ARHGAP26: variants seen among roughly 807,000 people sequenced by gnomAD.
The protein encoded by ARHGAP26 is Rho GTPase activating protein 26, also known as rho GTPase-activating protein 26.
Under a neutral mutation model 104.8 loss-of-function variants are expected in ARHGAP26, and 38 were observed. The observed-to-expected ratio is 0.36, with a 90% CI of 0.28 to 0.48. ARHGAP26 has a LOEUF of 0.48. ARHGAP26 is among the 20% of genes least tolerant of loss of function. The pLI is 0.99. For missense variants in ARHGAP26, 704 were observed against 947.9 expected (o/e 0.74, Z 3.38); for synonymous variants, 341 against 340.0 (o/e 1.00, Z -0.03).
intron 20 of ARHGAP26, among the ~76,000 whole-genome samples, chr5:143,167,482 CAAAAAAAAAAAAAAAAAAAAAAAA>C (rs6149274): frequency 3.5e-4 from 21 of 60,094 alleles, no homozygotes; most frequent in South Asian, 7.9e-4. Context: ...GACTCCATCT[CAAAAAAAAAAAAAAAAAAAAAAAA>C]AAAAAAAAAA....
intron 2 of ARHGAP26, among the ~76,000 whole-genome samples, chr5:142,873,920 T>A (rs1755700373): frequency 6.6e-6 from 1 of 152,246 alleles, no homozygotes; most frequent in Admixed American, 6.5e-5. Flanking sequence ...TCTCATTTTT[T>A]AAAATTGAAT....
chr5:143,224,981 T>A lies in ARHGAP26; in HGVS notation c.*2535T>A, dbSNP rs1811541858. 1 of 222,754 alleles carries A rather than the reference T, an allele frequency of 4.5e-6. No individual in the cohort carries two copies. The highest frequency in any genetic ancestry group is 2.2e-5 in the African/African-American group (1 of 44,736). The allele number at this position is 222,754 out of a possible 1,614,324, so 13.8% of individuals were successfully genotyped here. The stretch of plus-strand genomic sequence containing the variant: ...TGAATCAGGGAATGAGAATTAAGAA[T>A]GGACAGGACCAAGACAGAACTCAAG... On this transcript the variant is annotated 3_prime_UTR_variant, in exon 23 of 23. Coordinates refer to ENST00000645722, the MANE Select transcript of ARHGAP26 (RefSeq NM_001135608.3).
intron 12 of ARHGAP26, among the ~76,000 whole-genome samples, chr5:143,016,702 C>CAAAAAAA (rs5871833): frequency 7.9e-6 from 1 of 126,380 alleles, no homozygotes. Flanking sequence ...GACTCTGTCT[C>CAAAAAAA]AAAAAAAAAA....
intron 1 of ARHGAP26, among the ~76,000 whole-genome samples, chr5:142,872,187 C>T (rs540962678): frequency 1.3e-5 from 2 of 151,886 alleles, no homozygotes; most frequent in African/African-American, 4.8e-5. Context: ...GCCAGGTACA[C>T]AGAGGAAACA....
At chr5:143,121,473 A>G (rs942920656) in intron 18 of ARHGAP26, among the ~76,000 whole-genome samples, 6 of 152,204 alleles carry the variant, frequency 3.9e-5, no homozygotes, top group African/African-American at 1.4e-4. Flanking sequence ...CAATGAAGGA[A>G]GTACTCTTAT....
intron 1 of ARHGAP26, among the ~76,000 whole-genome samples, chr5:142,861,360 TTTC>T (rs1299998870): frequency 2.6e-5 from 4 of 152,110 alleles, no homozygotes; most frequent in Non-Finnish European, 4.4e-5. Context: ...GTTTTTTTTT[TTTC>T]TTTTTTCTTC....
intron 2 of ARHGAP26, 177 bp from the exon 3 acceptor site, chr5:142,874,933 C>A: frequency 1.7e-6 from 1 of 585,590 alleles, no homozygotes. Flanking sequence ...ACCTGCATTT[C>A]TGGGTCATCC....
rs1811422986 is a variant in ARHGAP26, at chr5:143,223,379, T to G, written c.*933T>G. 1 of 232,656 alleles carries G rather than the reference T, an allele frequency of 4.3e-6. No individual in the cohort carries two copies. The highest frequency in any genetic ancestry group is 8.5e-6 in the Non-Finnish European group (1 of 117,480). The allele number at this position is 232,656 out of a possible 1,614,324, so 14.4% of individuals were successfully genotyped here. On this transcript the variant is annotated 3_prime_UTR_variant, in exon 23 of 23. Transcript: ENST00000645722. Reference sequence around the variant, plus strand: ...TTAATTTCAGCAGCATCGGAATATATTTGGAGCACACCCTAGTAACCTCTT... The same window carrying G: ...TTAATTTCAGCAGCATCGGAATATAGTTGGAGCACACCCTAGTAACCTCTT...
intron 20 of ARHGAP26, among the ~76,000 whole-genome samples, chr5:143,185,462 T>C (rs1024839493): frequency 3.3e-5 from 5 of 152,250 alleles, no homozygotes; most frequent in Admixed American, 3.3e-4. Context: ...CCTCCTTTTT[T>C]TCTTTTACCA....
chr5:143,092,052 A>G (rs960240060), intron 17 of ARHGAP26, among the ~76,000 whole-genome samples: 1 of 152,094 alleles, frequency 6.6e-6, no homozygotes, highest in Non-Finnish European at 1.5e-5. Flanking sequence ...CTTTTAAATT[A>G]TACAATATTT....
chr5:143,158,508 T>C (rs561433733), intron 20 of ARHGAP26, among the ~76,000 whole-genome samples: 1 of 152,178 alleles, frequency 6.6e-6, no homozygotes, highest in East Asian at 1.9e-4. Flanking sequence ...GGAATTCCTC[T>C]CCAGCCTAGG....
At chr5:142,966,177 C>T (rs918430607) in intron 11 of ARHGAP26, among the ~76,000 whole-genome samples, 1 of 152,144 alleles carries the variant, frequency 6.6e-6, no homozygotes, top group African/African-American at 2.4e-5. Context: ...AGGAGTCACA[C>T]ATAGGAAAAC....
At chr5:142,861,005 G>A (rs902559200) in intron 1 of ARHGAP26, among the ~76,000 whole-genome samples, 26 of 152,190 alleles carry the variant, frequency 1.7e-4, no homozygotes, top group African/African-American at 5.3e-4. Flanking sequence ...ATTGCAAGCG[G>A]TGTTCAGACA....
chr5:142,943,371 A>G (rs1766657247), intron 11 of ARHGAP26, among the ~76,000 whole-genome samples: 1 of 152,178 alleles, frequency 6.6e-6, no homozygotes, highest in South Asian at 2.1e-4. Flanking sequence ...AGTCTGGGAA[A>G]TCCAAGATCA....
intron 20 of ARHGAP26, among the ~76,000 whole-genome samples, chr5:143,180,612 C>G (rs1386005756): frequency 6.6e-6 from 1 of 152,068 alleles, no homozygotes; most frequent in Non-Finnish European, 1.5e-5. Context: ...CATGGCAGAA[C>G]GAGAAGAGAC....
chr5:143,189,364 T>A (rs898808131), intron 20 of ARHGAP26, among the ~76,000 whole-genome samples: 2 of 152,186 alleles, frequency 1.3e-5, no homozygotes, highest in Admixed American at 6.5e-5. Flanking sequence ...TTTGTTGAGA[T>A]CTCGGCTCAG....
intron 10 of ARHGAP26, chr5:142,919,582 A>G (rs1762931026): frequency 2.5e-6 from 1 of 397,310 alleles, no homozygotes; most frequent in Non-Finnish European, 4.4e-6. Flanking sequence ...TGCTTGAACA[A>G]TCCCATTGCC....
intron 12 of ARHGAP26, among the ~76,000 whole-genome samples, chr5:143,032,976 T>G (rs1364098947): frequency 6.6e-6 from 1 of 152,242 alleles, no homozygotes; most frequent in Non-Finnish European, 1.5e-5. Context: ...TTGAATTCCT[T>G]GTTGGAGAAA....
chr5:143,020,882 C>T (rs372665753), intron 12 of ARHGAP26, among the ~76,000 whole-genome samples: 6 of 152,040 alleles, frequency 3.9e-5, no homozygotes, highest in South Asian at 4.1e-4. Flanking sequence ...CCTCATGATC[C>T]GCCCATCTCG....
Sources: gnomAD v4.1 joint callset for allele counts (sites outside exome capture counted in the v4.1 genomes callset) on GRCh38, gnomAD v4.1.1 for gene constraint, MANE v1.5 for transcripts, NCBI Gene and HGNC (gene_info 2026-07-23, HGNC 2026-07-21) for gene names.